TRPV3: variants seen among roughly 807,000 people sequenced by gnomAD.
TRPV3 encodes the protein transient receptor potential cation channel subfamily V member 3.
In TRPV3, 88 loss-of-function variants were observed where a neutral mutation model predicts 87.1. That is an observed-to-expected ratio of 1.01 (90% CI 0.85 to 1.21). The LOEUF (loss-of-function observed/expected upper bound fraction) is 1.21. Among genes scored for constraint, TRPV3 ranks in the 50% most tolerant of loss-of-function variants. TRPV3 has a pLI of 0.00. For synonymous variants in TRPV3, 438 were observed against 423.3 expected (o/e 1.03, Z -0.43); for missense variants, 1,054 against 1,030.1 (o/e 1.02, Z -0.32).
At chr17:3,532,420 G>A (rs1158498878) in intron 8 of TRPV3, among the ~76,000 whole-genome samples, 3 of 152,252 alleles carry the variant, frequency 2.0e-5, no homozygotes, top group African/African-American at 4.8e-5. Context: ...ATGGAAACGC[G>A]GCGTATTAGG....
At chr17:3,531,451 C>T (rs529886723) in intron 8 of TRPV3, among the ~76,000 whole-genome samples, 4 of 152,194 alleles carry the variant, frequency 2.6e-5, no homozygotes, top group Admixed American at 1.3e-4. Context: ...AGCCCCAGGA[C>T]GGTGGCCAAG....
At chr17:3,519,619 T>TGGAC (rs1364467165) in intron 14 of TRPV3, among the ~76,000 whole-genome samples, 1 of 147,078 alleles carries the variant, frequency 6.8e-6, no homozygotes, top group Admixed American at 6.7e-5. Context: ...GATGGATGGA[T>TGGAC]GGATGGATGG....
At chr17:3,531,713 C>T (rs1168975542) in intron 8 of TRPV3, among the ~76,000 whole-genome samples, 1 of 152,214 alleles carries the variant, frequency 6.6e-6, no homozygotes, top group Non-Finnish European at 1.5e-5. Flanking sequence ...CTCTTCAAAG[C>T]CCCAGCAAGC....
rs1348241133 is a variant in TRPV3, at chr17:3,518,096, G to A, written c.2085+480C>T. The stretch of plus-strand genomic sequence containing the variant: ...GGCCTTCCAAAGTGCTAAGATTACA[G>A]GGGTGAGCCACCATGCCCGGCCGCC... On this transcript the variant is annotated intron_variant, in intron 15 of 17. Coordinates refer to ENST00000576742, the MANE Select transcript of TRPV3 (RefSeq NM_145068.4). This position sits in a 1 kb window ranked among gnomAD's most constrained non-coding sequence, Gnocchi z 4.3. 2.6e-5 allele frequency among the ~76,000 whole-genome samples: 4 copies of A among 152,088 alleles called. No individual in the cohort carries two copies. Among genetic ancestry groups the A allele is most frequent in the Non-Finnish European group, 5.9e-5 (4 of 68,014 alleles).
chr17:3,526,965 A>C (rs775529483), intron 11 of TRPV3, 38 bp from the exon 12 acceptor site: 112 of 1,559,190 alleles, frequency 7.2e-5, no homozygotes, highest in Non-Finnish European at 9.7e-5. Flanking sequence ...CACCCTCTTC[A>C]TGGCCCTCAG....
chr17:3,550,288 TC>T, intron 2 of TRPV3, among the ~76,000 whole-genome samples: 1 of 151,878 alleles, frequency 6.6e-6, no homozygotes, highest in Non-Finnish European at 1.5e-5. Flanking sequence ...CTGCCCTACC[TC>T]CCTACCTACT....
rs151284467 is a variant in TRPV3, at chr17:3,532,766, C to G, written c.956G>C (p.Arg319Pro). ...CCGCAGTAGGATCATGTCGTACATGCGCTTCACAAAGTCATTCTGCGTCTT... is the reference window on the plus strand; with the variant it reads ...CCGCAGTAGGATCATGTCGTACATGGGCTTCACAAAGTCATTCTGCGTCTT... ...DFKTQNDFVK[R>P]MYDMILLRSG... is the part of the protein sequence containing the mutation. Residue 319 changes from arginine to proline, a missense_variant, in exon 8 of 18, where the codon CGC becomes CCC. Arg to Pro is a moderately radical substitution (Grantham distance 103, BLOSUM62 -2). Coordinates refer to ENST00000576742, the MANE Select transcript of TRPV3 (RefSeq NM_145068.4). The G allele has an allele frequency of 1.8e-5, 29 of 1,614,150 alleles. No individual in the cohort carries two copies. The Admixed American group carries it at 3.7e-4, about 20-fold the overall frequency.
chr17:3,519,556 T>G (rs1325064761), intron 14 of TRPV3, among the ~76,000 whole-genome samples: 8 of 87,910 alleles, frequency 9.1e-5, no homozygotes, highest in Admixed American at 1.1e-4. Context: ...ATGGACCAAT[T>G]GATCGATGGA....
chr17:3,515,718 G>A (rs1396964450), intron 16 of TRPV3, among the ~76,000 whole-genome samples: 1 of 151,656 alleles, frequency 6.6e-6, no homozygotes, highest in East Asian at 1.9e-4. Context: ...AAAAGCCAGA[G>A]ATCTGTCAAA....
chr17:3,513,845 C>G lies in TRPV3; in HGVS notation c.*72G>C. The G allele has an allele frequency of 3.0e-6, 4 of 1,341,302 alleles. No individual in the cohort carries two copies. Among genetic ancestry groups the G allele is most frequent in the Non-Finnish European group, 4.2e-6 (4 of 942,974 alleles). The allele number at this position is 1,341,302 out of a possible 1,614,324, so 83.1% of individuals were successfully genotyped here. A position where few individuals can be genotyped will look rare whatever the true frequency, so the allele number is the denominator to read the frequency against. ...CGGACTCCACCATCCCTCAAAGCCTCTCTGCACAGAGTCGGTGACTCCGCC... is the reference window on the plus strand; with the variant it reads ...CGGACTCCACCATCCCTCAAAGCCTGTCTGCACAGAGTCGGTGACTCCGCC... On this transcript the variant is annotated 3_prime_UTR_variant, in exon 18 of 18. Coordinates refer to ENST00000576742, the MANE Select transcript of TRPV3 (RefSeq NM_145068.4).
chr17:3,515,590 G>A (rs1268348561), intron 16 of TRPV3, among the ~76,000 whole-genome samples: 2 of 152,076 alleles, frequency 1.3e-5, no homozygotes, highest in African/African-American at 4.8e-5. Flanking sequence ...CAACCAGGGA[G>A]GCGGAGGTTG....
chr17:3,535,192 C>CTCTCCCTCCTCCT (rs1256249839), intron 7 of TRPV3, among the ~76,000 whole-genome samples: 36 of 134,658 alleles, frequency 2.7e-4, no homozygotes, highest in East Asian at 5.4e-4. Context: ...CCCTTCCTCC[C>CTCTCCCTCCTCCT]TCTCCCTCCT....
intron 2 of TRPV3, among the ~76,000 whole-genome samples, chr17:3,548,683 C>T (rs2074546413): frequency 6.6e-6 from 1 of 152,210 alleles, no homozygotes; most frequent in South Asian, 2.1e-4. Flanking sequence ...AGTCTCCTGC[C>T]CACCAAAAGG....
At position 3,532,818 on chromosome 17, in the gene TRPV3, C is replaced by T. The variant is rs1275570881; in HGVS notation, c.904G>A (p.Ala302Thr). The T allele has an allele frequency of 1.9e-6, 3 of 1,614,246 alleles. No homozygotes were observed. Among genetic ancestry groups the T allele is most frequent in the Non-Finnish European group, 1.7e-6 (2 of 1,180,046 alleles). The change falls in exon 8 of 18, where the codon GCC (alanine) becomes ACC (threonine). Residue 302 changes from alanine to threonine, a missense_variant. Ala to Thr is a moderately conservative substitution (Grantham distance 58). Transcript: ENST00000576742. ...RDSRGNNILH[A>T]LVTVAEDFKT... Reference sequence around the variant, plus strand: ...AAGTCCTCGGCCACGGTCACCAGGGCGTGAAGGATGTTGTTGCCTCGTGAG... The same window carrying T: ...AAGTCCTCGGCCACGGTCACCAGGGTGTGAAGGATGTTGTTGCCTCGTGAG...
intron 17 of TRPV3, 29 bp downstream of exon 17, chr17:3,514,564 G>A (rs748999582): frequency 1.9e-6 from 3 of 1,543,062 alleles, no homozygotes; most frequent in Non-Finnish European, 2.7e-6. Flanking sequence ...GACAGGAGCG[G>A]ACACCATGTC....
chr17:3,545,989 CAAAA>C lies in TRPV3; in HGVS notation c.120-722_120-719del, dbSNP rs376341464. Among the ~76,000 whole-genome samples, 621 of 113,900 alleles carry C rather than the reference CAAAA, an allele frequency of 5.5e-3. 3 individuals are homozygous for C. Among genetic ancestry groups the C allele is most frequent in the African/African-American group, 0.019 (552 of 29,284 alleles). The allele number at this position is 113,900 out of a possible 152,430, so 74.7% of individuals were successfully genotyped here. On this transcript the variant is annotated intron_variant, in intron 2 of 17. Transcript: ENST00000576742. Reference sequence around the variant, plus strand: ...TGCGTGACAGAGCAGGACTCCGTCTCAAAAAAAAAAAAAAAAAAGAAAGAAAACA... The same window carrying C: ...TGCGTGACAGAGCAGGACTCCGTCTCAAAAAAAAAAAAAAGAAAGAAAACA...
intron 5 of TRPV3, 132 bp from the exon 6 acceptor site, chr17:3,542,830 C>T: frequency 1.0e-5 from 9 of 896,642 alleles, no homozygotes; most frequent in Non-Finnish European, 1.5e-5. Context: ...AGACCTTACA[C>T]TTGGCCGCTC....
chr17:3,515,525 G>C (rs1266906755), intron 16 of TRPV3, among the ~76,000 whole-genome samples: 1 of 152,138 alleles, frequency 6.6e-6, no homozygotes, highest in East Asian at 1.9e-4. Flanking sequence ...TCCAGGCGTG[G>C]TGGCATATGC....
chr17:3,516,186 CAA>C (rs11365831), intron 16 of TRPV3, among the ~76,000 whole-genome samples: 2 of 151,214 alleles, frequency 1.3e-5, no homozygotes, highest in African/African-American at 4.9e-5. Flanking sequence ...AATTCCGTCT[CAA>C]AAAAAAATAA....
Sources: allele counts gnomAD v4.1 joint callset (sites outside exome capture counted in the v4.1 genomes callset), GRCh38; gene constraint gnomAD v4.1.1; non-coding constraint Gnocchi (gnomAD v3.1); transcripts MANE v1.5; gene names NCBI Gene and HGNC (gene_info 2026-07-23, HGNC 2026-07-21).